KICS2: variants seen among roughly 807,000 people sequenced by gnomAD.
KICS2 encodes KICSTOR complex protein C12orf66.
KICS2 carries 13 observed loss-of-function variants against 31.4 expected under a neutral mutation model. That is an observed-to-expected ratio of 0.41 (90% CI 0.27 to 0.66). KICS2 has a LOEUF of 0.66. Among genes scored for constraint, KICS2 ranks in the 30% least tolerant of loss-of-function variants. The pLI, the probability that KICS2 is intolerant of heterozygous loss-of-function variation, is 0.28. For synonymous variants in KICS2, 209 were observed against 214.8 expected (o/e 0.97, Z 0.24); for missense variants, 455 against 545.4 (o/e 0.83, Z 1.65).
At chr12:64,187,671 G>A, downstream of KICS2, 1 of 1,533,504 alleles carries the variant, frequency 6.5e-7, no homozygotes, top group East Asian at 2.4e-5. Flanking sequence ...AAAGTAGAGA[G>A]GGAATTGCTA....
chr12:64,221,891 C>A, intron 1 of KICS2, 112 bp downstream of exon 1: 1 of 1,198,744 alleles, frequency 8.3e-7, no homozygotes, highest in Non-Finnish European at 1.2e-6. Flanking sequence ...AATGCCGAGT[C>A]GAGCCTGCGA....
intron 2 of KICS2, among the ~76,000 whole-genome samples, chr12:64,206,176 T>C (rs1360728484): frequency 6.6e-6 from 1 of 152,126 alleles, no homozygotes; most frequent in Non-Finnish European, 1.5e-5. Context: ...TGCTTTAGCC[T>C]CCCAAAGTTC....
intron 2 of KICS2, among the ~76,000 whole-genome samples, chr12:64,196,491 C>A (rs1146121): frequency 2.0e-4 from 30 of 149,376 alleles, no homozygotes; most frequent in African/African-American, 3.2e-4. Context: ...AAAACCACAA[C>A]GATGGGGAAA....
At chr12:64,201,605 T>TAAAAAA (rs531373424) in intron 2 of KICS2, among the ~76,000 whole-genome samples, 10 of 115,636 alleles carry the variant, frequency 8.6e-5, no homozygotes, top group Admixed American at 1.7e-4. Context: ...TAAAGTATAA[T>TAAAAAA]AAAAAAAAAA....
intron 2 of KICS2, among the ~76,000 whole-genome samples, chr12:64,208,038 C>A (rs2037554992): frequency 6.6e-6 from 1 of 152,166 alleles, no homozygotes; most frequent in African/African-American, 2.4e-5. Context: ...TTCTCTCTCT[C>A]TCACTCTGTT....
chr12:64,188,595 G>A (rs2037357332), downstream of KICS2, among the ~76,000 whole-genome samples: 1 of 151,796 alleles, frequency 6.6e-6, no homozygotes, highest in Non-Finnish European at 1.5e-5. Flanking sequence ...GATAGAGGGA[G>A]AGGGAGAGGG....
chr12:64,189,269 T>C (rs1464572409), downstream of KICS2, among the ~76,000 whole-genome samples: 1 of 152,226 alleles, frequency 6.6e-6, no homozygotes, highest in Non-Finnish European at 1.5e-5. Context: ...TGAATTTCTC[T>C]TTGTAGATGT....
chr12:64,217,482 A>C (rs796732611), intron 1 of KICS2, among the ~76,000 whole-genome samples: 4 of 151,846 alleles, frequency 2.6e-5, no homozygotes, highest in African/African-American at 7.2e-5. Flanking sequence ...AAAAAAAAAA[A>C]CGCACAAAAA....
chr12:64,206,579 G>A (rs1487118664), intron 2 of KICS2, among the ~76,000 whole-genome samples: 1 of 152,204 alleles, frequency 6.6e-6, no homozygotes, highest in Non-Finnish European at 1.5e-5. Context: ...AAGCCATAGA[G>A]GAGATGGCAT....
At chr12:64,205,754 G>C (rs1442433281) in intron 2 of KICS2, among the ~76,000 whole-genome samples, 1 of 56,922 alleles carries the variant, frequency 1.8e-5, no homozygotes, top group Non-Finnish European at 4.3e-5. Flanking sequence ...GGGAGGGAGG[G>C]AAAAGGGAAG....
chr12:64,219,907 A>G (rs2037663752), intron 1 of KICS2, among the ~76,000 whole-genome samples: 1 of 152,206 alleles, frequency 6.6e-6, no homozygotes, highest in South Asian at 2.1e-4. Context: ...GTTGGAGAAC[A>G]TGGGAATGTT....
intron 1 of KICS2, among the ~76,000 whole-genome samples, chr12:64,217,813 G>GAAGAA (rs377433656): frequency 1.6e-4 from 21 of 128,300 alleles, no homozygotes; most frequent in East Asian, 4.4e-4. Flanking sequence ...GAAAAGAAAA[G>GAAGAA]AAGAAAAGAA....
chr12:64,202,266 T>C (rs1202693530), intron 2 of KICS2, among the ~76,000 whole-genome samples: 2 of 151,968 alleles, frequency 1.3e-5, no homozygotes, highest in African/African-American at 2.4e-5. Flanking sequence ...ATTAGTCAAG[T>C]GTGGTGGTGT....
Position 64,215,849 on chromosome 12 carries a change from TGAG to T in KICS2, c.347_349del (p.Pro116del). On this transcript the variant is annotated inframe_deletion, in exon 2 of 3. Coordinates refer to ENST00000398055, the MANE Select transcript of KICS2 (RefSeq NM_152440.5). Reference sequence around the variant, plus strand: ...CAGGTGGGAAAGGAGTTCTTCCACGTGAGGAGCAGTCCCACCCAGGGCACCACG... The same window carrying T: ...CAGGTGGGAAAGGAGTTCTTCCACGTGAGCAGTCCCACCCAGGGCACCACG... The T allele has an allele frequency of 1.2e-6, 2 of 1,613,806 alleles. No homozygotes were observed. The highest frequency in any genetic ancestry group is 1.7e-6 in the Non-Finnish European group (2 of 1,179,924).
chr12:64,208,356 C>G (rs1231197856), intron 2 of KICS2, among the ~76,000 whole-genome samples: 2 of 152,168 alleles, frequency 1.3e-5, no homozygotes, highest in African/African-American at 2.4e-5. Flanking sequence ...CAATGTAAAG[C>G]ATTTGATGGG....
Position 64,193,974 on chromosome 12 carries a change from A to T in KICS2, c.1206T>A (p.Phe402Leu). The T allele has an allele frequency of 6.2e-7, 1 of 1,614,242 alleles. No homozygotes were observed. Among genetic ancestry groups the T allele is most frequent in the Non-Finnish European group, 8.5e-7 (1 of 1,180,042 alleles). ...TYFLTRPEPH[F>L]TIVIIFESKK... Reference sequence around the variant, plus strand: ...TTGACTCAAAAATGATGACAATGGTAAAGTGAGGTTCCGGGCGGGTTAGGA... The same window carrying T: ...TTGACTCAAAAATGATGACAATGGTTAAGTGAGGTTCCGGGCGGGTTAGGA... The change falls in exon 3 of 3, where the codon TTT (phenylalanine) becomes TTA (leucine). Residue 402 changes from phenylalanine to leucine, a missense_variant. Transcript: ENST00000398055.
rs775087064 is a variant in KICS2 at position 64,193,878 on chromosome 12, T to C, written c.1302A>G (p.Lys434=). The C allele has an allele frequency of 5.6e-6, 9 of 1,613,948 alleles. No individual in the cohort carries two copies. In the Admixed American group the frequency reaches 1.5e-4, roughly 27 times the overall value. The part of the protein sequence containing the change: ...NEVSLALKNP[K]VFASLKPGAK... ...CTCCAGGTTTCAGACTTGCAAACAC[T>C]TTGGGGTTCTTAAGGGCAAGTGAGA... Residue 434 remains lysine (K), a synonymous_variant, in exon 3 of 3, where the codon AAA becomes AAG. Coordinates refer to ENST00000398055, the MANE Select transcript of KICS2 (RefSeq NM_152440.5).
intron 2 of KICS2, among the ~76,000 whole-genome samples, chr12:64,200,873 A>G (rs1224212760): frequency 3.4e-5 from 3 of 87,750 alleles, no homozygotes; most frequent in East Asian, 3.1e-4. Context: ...ATCACTGGCC[A>G]TCAGAGAAAT....
At chr12:64,203,052 T>G (rs2037505567) in intron 2 of KICS2, among the ~76,000 whole-genome samples, 1 of 152,156 alleles carries the variant, frequency 6.6e-6, no homozygotes, top group African/African-American at 2.4e-5. Context: ...CTTTAGTAGT[T>G]TGACCATACA....
Sources: allele counts gnomAD v4.1 joint callset (sites outside exome capture counted in the v4.1 genomes callset), GRCh38; gene constraint gnomAD v4.1.1; transcripts MANE v1.5; gene names NCBI Gene and HGNC (gene_info 2026-07-23, HGNC 2026-07-21).